TMCO1: variants seen among roughly 807,000 people sequenced by gnomAD.
TMCO1 encodes calcium load-activated calcium channel.
In TMCO1, 29 loss-of-function variants were observed where a neutral mutation model predicts 29.3. The observed-to-expected ratio is 0.99, with a 90% CI of 0.74 to 1.35. The LOEUF (loss-of-function observed/expected upper bound fraction) is 1.35, where lower values mean the gene tolerates loss of function less well. Among genes scored for constraint, TMCO1 ranks in the 40% most tolerant of loss-of-function variants. The probability of loss-of-function intolerance (pLI) is 0.00; values close to 1 mark genes in which losing one functional copy is unlikely to be tolerated. For missense variants in TMCO1, 173 were observed against 225.5 expected (o/e 0.77, Z 1.49); for synonymous variants, 80 against 77.1 (o/e 1.04, Z -0.20).
In TMCO1 at chr1:165,768,248, T is replaced by C; in HGVS notation, c.92A>G (p.Tyr31Cys). 1.2e-6 allele frequency: 2 copies of C among 1,613,976 alleles called. No individual in the cohort carries two copies. The highest frequency in any genetic ancestry group is 1.7e-6 in the Non-Finnish European group (2 of 1,179,886). Residue 31 changes from tyrosine to cysteine, a missense_variant, in exon 2 of 7, where the codon TAC (tyrosine) becomes TGC (cysteine). Transcript: ENST00000367881. ...LAEGITWVLV[Y>C]RTDKYKRLKA... Reference sequence around the variant, plus strand: ...CAGTCTCTTGTACTTGTCTGTCCTGTAAACCAGGACCCAGGTTATGCCTAA... The same window carrying C: ...CAGTCTCTTGTACTTGTCTGTCCTGCAAACCAGGACCCAGGTTATGCCTAA...
In TMCO1 at chr1:165,760,745, G is replaced by A. The variant is rs1306373076; in HGVS notation, c.149-1161C>T. On this transcript the variant is annotated intron_variant, in intron 2 of 6. Transcript: ENST00000367881. Reference sequence around the variant, plus strand: ...GAACCCGGAAGGCAGAAGTTGCAGTGAGCCAAGATCTCGCCACTGAACTCC... The same window carrying A: ...GAACCCGGAAGGCAGAAGTTGCAGTAAGCCAAGATCTCGCCACTGAACTCC... Among the ~76,000 whole-genome samples the A allele has an allele frequency of 2.6e-5, 4 of 152,078 alleles. No homozygotes were observed. The East Asian group carries it at 5.8e-4, about 22-fold the overall frequency.
In TMCO1 at chr1:165,751,444, CT is replaced by C. The variant is rs201457856; in HGVS notation, c.323+657del. On this transcript the variant is annotated intron_variant, in intron 5 of 6. Coordinates refer to ENST00000367881, the MANE Select transcript of TMCO1 (RefSeq NM_019026.6). Reference sequence around the variant, plus strand: ...TCTGGCTGGGCGTGGTGGCTCACGCCTGTAATCCCAGCACTTTGGGAGGCCG... The same window carrying C: ...TCTGGCTGGGCGTGGTGGCTCACGCCGTAATCCCAGCACTTTGGGAGGCCG... Among the ~76,000 whole-genome samples, 1,010 of 152,198 alleles carry C rather than the reference CT, an allele frequency of 6.6e-3. 15 individuals carry two copies. Among genetic ancestry groups the C allele is most frequent in the African/African-American group, 0.022 (912 of 41,524 alleles).
intron 1 of TMCO1, 28 bp downstream of exon 1, chr1:165,768,654 C>G (rs568891273): frequency 1.2e-6 from 2 of 1,614,010 alleles, no homozygotes; most frequent in Middle Eastern, 1.6e-4. Context: ...GGGGACTGAT[C>G]AAACGTCTGA....
rs1650920145 is a variant in TMCO1, at chr1:165,726,984, G to GTGA, written c.*1038_*1039insTCA. The GTGA allele has an allele frequency of 2.2e-6, 1 of 453,802 alleles. No homozygotes were observed. Among genetic ancestry groups the GTGA allele is most frequent in the South Asian group, 1.6e-5 (1 of 64,448 alleles). 28.1% of individuals were successfully genotyped at this position (453,802 alleles called of 1,614,324 possible). On this transcript the variant is annotated 3_prime_UTR_variant, in exon 7 of 7. Coordinates refer to ENST00000367881, the MANE Select transcript of TMCO1 (RefSeq NM_019026.6). ...TGAAAATTATGTGTTTTTTCTCACT[G>GTGA]GTAGAATACTCACATTTAAGTAGAC... is the stretch of plus-strand genomic sequence containing the variant.
downstream of TMCO1, chr1:165,726,061 T>G (rs1465522183): frequency 8.7e-6 from 6 of 693,010 alleles, no homozygotes; most frequent in Admixed American, 1.0e-4. Flanking sequence ...CTATATATTC[T>G]CACTTTAAAA....
At chr1:165,725,026 A>C (rs11801956), downstream of TMCO1, 3,604 of 68,618 alleles carry the variant, frequency 0.053, 31 homozygotes, top group African/African-American at 0.071. Context: ...CTCTCTCTCT[A>C]TATATATATA....
Position 165,728,074 on chromosome 1 carries a change from C to T in TMCO1, c.516G>A (p.Lys172=). 1.9e-6 allele frequency: 3 copies of T among 1,609,202 alleles called. No homozygotes were observed. The highest frequency in any genetic ancestry group is 2.2e-5 in the South Asian group (2 of 91,022). Residue 172 remains lysine (K), a synonymous_variant, in exon 7 of 7, where the codon AAG becomes AAA. Transcript: ENST00000367881. The part of the protein sequence containing the change: ...LGLAPSRAAT[K]QAGGFLGPPP... ...GTGGGCCAAGAAATCCACCTGCCTG[C>T]TTGGTGGCGGCTCGTGAAGGGGCAA...
chr1:165,745,474 CAAAAAAAAAA>C (rs570579214), intron 5 of TMCO1, among the ~76,000 whole-genome samples: 6 of 101,356 alleles, frequency 5.9e-5, no homozygotes, highest in Non-Finnish European at 7.6e-5. Flanking sequence ...CTATCTCTAC[CAAAAAAAAAA>C]AAAAAAAAAA....
intron 3 of TMCO1, among the ~76,000 whole-genome samples, chr1:165,757,536 G>A (rs1652240123): frequency 6.6e-6 from 1 of 152,094 alleles, no homozygotes; most frequent in South Asian, 2.1e-4. Context: ...TGCTCTTGTT[G>A]CCCAGTCTGG....
Position 165,727,351 on chromosome 1 carries a change from C to G in TMCO1, c.*672G>C, listed in dbSNP as rs183635612. 4.4e-6 allele frequency: 2 copies of G among 453,698 alleles called. No homozygotes were observed. Among genetic ancestry groups the G allele is most frequent in the South Asian group, 3.1e-5 (2 of 64,454 alleles). 28.1% of individuals were successfully genotyped at this position (453,698 alleles called of 1,614,324 possible). On this transcript the variant is annotated 3_prime_UTR_variant, in exon 7 of 7. Coordinates refer to ENST00000367881, the MANE Select transcript of TMCO1 (RefSeq NM_019026.6). ...CAAGACCCTCATTTTTAAACTCCAA[C>G]GAGTTATTACGTTCCTTTCCACTCT... is the stretch of plus-strand genomic sequence containing the variant.
At chr1:165,752,558 C>A (rs73022557) in intron 4 of TMCO1, among the ~76,000 whole-genome samples, 2,008 of 151,716 alleles carry the variant, frequency 0.013, 51 homozygotes, top group African/African-American at 0.047. Context: ...CCCAGCCTCA[C>A]GTCATTTTTT....
Position 165,756,056 on chromosome 1 carries a change from A to G in TMCO1, c.209-1782T>C, listed in dbSNP as rs560117370. Among the ~76,000 whole-genome samples, 9 of 152,192 alleles carry G rather than the reference A, an allele frequency of 5.9e-5. No homozygotes were observed. In the South Asian group the frequency reaches 1.2e-3, roughly 21 times the overall value. The stretch of plus-strand genomic sequence containing the variant: ...ATATGGGCAGCTTGTTTAAAAAAAA[A>G]AAAAAAGAAAAAAGTAGACTCCTGG... On this transcript the variant is annotated intron_variant, in intron 3 of 6. Coordinates refer to ENST00000367881, the MANE Select transcript of TMCO1 (RefSeq NM_019026.6).
chr1:165,760,124 G>C (rs1652345058), intron 2 of TMCO1, among the ~76,000 whole-genome samples: 1 of 151,994 alleles, frequency 6.6e-6, no homozygotes. Flanking sequence ...AAAATCAGGA[G>C]AGCCAAAAAA....
intron 6 of TMCO1, among the ~76,000 whole-genome samples, chr1:165,739,986 C>A (rs1009484414): frequency 6.6e-6 from 1 of 151,490 alleles, no homozygotes; most frequent in Non-Finnish European, 1.5e-5. Context: ...GTGGTGGGTG[C>A]CTATAATCCC....
chr1:165,724,619 C>A (rs1558023720), downstream of TMCO1: 5 of 453,908 alleles, frequency 1.1e-5, no homozygotes, highest in African/African-American at 1.0e-4. Context: ...TCTAACAAGG[C>A]TCTAGTGATT....
intron 6 of TMCO1, among the ~76,000 whole-genome samples, chr1:165,741,779 G>A (rs1292565210): frequency 1.5e-5 from 2 of 134,848 alleles, no homozygotes; most frequent in Non-Finnish European, 3.2e-5. Context: ...TTGTGATAGT[G>A]AGTGAGTTCT....
chr1:165,727,805 C>A lies in TMCO1; in HGVS notation c.*218G>T. 1 of 496,760 alleles carries A rather than the reference C, an allele frequency of 2.0e-6. No individual in the cohort carries two copies. Among genetic ancestry groups the A allele is most frequent in the South Asian group, 1.5e-5 (1 of 64,688 alleles). The allele number at this position is 496,760 out of a possible 1,614,324, so 30.8% of individuals were successfully genotyped here. A position where few individuals can be genotyped will look rare whatever the true frequency, so the allele number is the denominator to read the frequency against. On this transcript the variant is annotated 3_prime_UTR_variant, in exon 7 of 7. Transcript: ENST00000367881. ...TAAACATTACCTGAACTTAACTAATCAATCCACTTATTTGATAAAAATCAT... is the reference window on the plus strand; with the variant it reads ...TAAACATTACCTGAACTTAACTAATAAATCCACTTATTTGATAAAAATCAT...
chr1:165,736,501 C>G (rs1571213056), intron 6 of TMCO1, among the ~76,000 whole-genome samples: 1 of 152,066 alleles, frequency 6.6e-6, no homozygotes, highest in Admixed American at 6.6e-5. Flanking sequence ...GTGGATCACC[C>G]GAGGTCAGGT....
At chr1:165,768,433 C>T in intron 1 of TMCO1, 164 bp from the exon 2 acceptor site, 1 of 1,521,442 alleles carries the variant, frequency 6.6e-7, no homozygotes, top group South Asian at 1.2e-5. Context: ...GCCAAAACAA[C>T]AGTAACATGA....
Sources: allele counts gnomAD v4.1 joint callset (sites outside exome capture counted in the v4.1 genomes callset), GRCh38; gene constraint gnomAD v4.1.1; transcripts MANE v1.5; gene names NCBI Gene and HGNC (gene_info 2026-07-23, HGNC 2026-07-21).